The following KCNQ3 variants were observed in gnomAD, a reference collection of about 807,000 sequenced individuals.
KCNQ3 encodes potassium voltage-gated channel subfamily KQT member 3.
A neutral mutation model predicts 92.5 loss-of-function variants in KCNQ3; 30 were observed. The ratio of observed to expected loss-of-function variants is 0.32; its 90% CI spans 0.24 to 0.44. The LOEUF is 0.44. Among genes scored for constraint, KCNQ3 ranks in the 20% least tolerant of loss-of-function variants. The pLI is 1.00. For missense variants in KCNQ3, 913 were observed against 1,140.3 expected (o/e 0.80, Z 2.87); for synonymous variants, 450 against 468.8 (o/e 0.96, Z 0.52).
intron 1 of KCNQ3, among the ~76,000 whole-genome samples, chr8:132,250,801 T>C (rs1466384900): frequency 1.3e-5 from 2 of 152,158 alleles, no homozygotes; most frequent in African/African-American, 4.8e-5. Flanking sequence ...TGGCTGCCCT[T>C]AAGGTACTCA....
At chr8:132,357,623 C>T (rs1819053210) in intron 1 of KCNQ3, among the ~76,000 whole-genome samples, 1 of 152,200 alleles carries the variant, frequency 6.6e-6, no homozygotes, top group African/African-American at 2.4e-5. Flanking sequence ...GCACCACAGG[C>T]AGCTGCAGCC....
chr8:132,223,827 G>T (rs2130347111), intron 1 of KCNQ3, among the ~76,000 whole-genome samples: 1 of 152,194 alleles, frequency 6.6e-6, no homozygotes, highest in South Asian at 2.1e-4. Flanking sequence ...TTAGTAGGGG[G>T]CACAATACCT....
chr8:132,143,608 T>A (rs1825363984), intron 9 of KCNQ3, among the ~76,000 whole-genome samples: 1 of 152,346 alleles, frequency 6.6e-6, no homozygotes, highest in Non-Finnish European at 1.5e-5. Context: ...GGCAGAATGA[T>A]GACCATAAGC....
At chr8:132,338,047 G>A (rs1818414041) in intron 1 of KCNQ3, among the ~76,000 whole-genome samples, 1 of 152,196 alleles carries the variant, frequency 6.6e-6, no homozygotes, top group African/African-American at 2.4e-5. Context: ...AATCTCAGAT[G>A]GTCGAAGGTT....
chr8:132,291,397 G>A (rs1331315041), intron 1 of KCNQ3, among the ~76,000 whole-genome samples: 1 of 152,028 alleles, frequency 6.6e-6, no homozygotes, highest in African/African-American at 2.4e-5. Flanking sequence ...AATATACCCA[G>A]GCCTGCTTAT....
At chr8:132,180,626 C>T (rs988728652) in intron 3 of KCNQ3, among the ~76,000 whole-genome samples, 6 of 152,070 alleles carry the variant, frequency 3.9e-5, no homozygotes, top group African/African-American at 1.4e-4. Context: ...TTACCAAGGC[C>T]CCCCGCAGTG....
intron 1 of KCNQ3, among the ~76,000 whole-genome samples, chr8:132,224,699 A>G (rs1451375477): frequency 6.6e-6 from 1 of 152,222 alleles, no homozygotes; most frequent in East Asian, 1.9e-4. Context: ...TAAGCAGCTG[A>G]AAAATAAGCC....
At chr8:132,455,659 T>C (rs367918216) in intron 1 of KCNQ3, among the ~76,000 whole-genome samples, 1 of 152,260 alleles carries the variant, frequency 6.6e-6, no homozygotes, top group Non-Finnish European at 1.5e-5. Flanking sequence ...TACACTCTCA[T>C]TGTGCCCAGC....
At chr8:132,396,119 G>A (rs1162621353) in intron 1 of KCNQ3, among the ~76,000 whole-genome samples, 4 of 152,188 alleles carry the variant, frequency 2.6e-5, no homozygotes, top group Admixed American at 6.5e-5. Flanking sequence ...GGCCCTCAAC[G>A]CACTGTTGTC....
intron 1 of KCNQ3, among the ~76,000 whole-genome samples, chr8:132,355,637 C>T (rs1310440363): frequency 6.6e-6 from 1 of 152,010 alleles, no homozygotes; most frequent in African/African-American, 2.4e-5. Flanking sequence ...ATAAAGCTGG[C>T]AAGCAAAGAG....
At chr8:132,223,114 G>A (rs1814288978) in intron 1 of KCNQ3, among the ~76,000 whole-genome samples, 2 of 152,108 alleles carry the variant, frequency 1.3e-5, no homozygotes, top group African/African-American at 4.8e-5. Context: ...CTAATGAAGT[G>A]AGATAATACA....
At position 132,339,298 on chromosome 8, in the gene KCNQ3, T is replaced by C. The variant is rs926316372; in HGVS notation, c.386+140849A>G. Among the ~76,000 whole-genome samples the C allele has an allele frequency of 2.0e-4, 30 of 152,314 alleles. 1 individual carries two copies. Among genetic ancestry groups the C allele is most frequent in the African/African-American group, 7.2e-4 (30 of 41,568 alleles). ...ATTTTTAACTTCTTCTGTTCATTAA[T>C]CCGTTACTCATTTATTCATTCATTC... On this transcript the variant is annotated intron_variant, in intron 1 of 14. Transcript: ENST00000388996.
At chr8:132,401,063 G>T (rs1227149798) in intron 1 of KCNQ3, among the ~76,000 whole-genome samples, 1 of 152,176 alleles carries the variant, frequency 6.6e-6, no homozygotes, top group African/African-American at 2.4e-5. Flanking sequence ...GTCCAGGCTA[G>T]GGTGAAATCC....
intron 9 of KCNQ3, among the ~76,000 whole-genome samples, chr8:132,151,369 A>C (rs141737018): frequency 0.017 from 2,557 of 152,340 alleles, 80 homozygotes; most frequent in African/African-American, 0.059. Flanking sequence ...AAAAGGCATA[A>C]AAATATAAAT....
chr8:132,403,353 G>T (rs1232094775), intron 1 of KCNQ3, among the ~76,000 whole-genome samples: 1 of 152,166 alleles, frequency 6.6e-6, no homozygotes, highest in African/African-American at 2.4e-5. Flanking sequence ...TGTGGATGGA[G>T]ACACTCCCTC....
At chr8:132,428,871 T>C (rs927532565) in intron 1 of KCNQ3, among the ~76,000 whole-genome samples, 1 of 152,110 alleles carries the variant, frequency 6.6e-6, no homozygotes, top group Non-Finnish European at 1.5e-5. Context: ...TCTAAAGGTA[T>C]GTAAACACTG....
intron 9 of KCNQ3, among the ~76,000 whole-genome samples, chr8:132,145,709 G>C (rs1199247859): frequency 6.6e-6 from 1 of 152,224 alleles, no homozygotes; most frequent in Non-Finnish European, 1.5e-5. Flanking sequence ...TTCATTGCTA[G>C]AAATCTGACA....
intron 1 of KCNQ3, among the ~76,000 whole-genome samples, chr8:132,257,745 CAAA>C (rs1174893538): frequency 1.3e-5 from 1 of 76,662 alleles, no homozygotes; most frequent in East Asian, 3.5e-4. Context: ...GACTCCAGCT[CAAA>C]AAAAAAAAAA....
chr8:132,137,705 T>C (rs960354830), intron 12 of KCNQ3, among the ~76,000 whole-genome samples, 180 bp downstream of exon 12: 2 of 152,188 alleles, frequency 1.3e-5, no homozygotes, highest in African/African-American at 4.8e-5. Context: ...CATACAGCTA[T>C]TTCACAGTCT....
Sources: gnomAD v4.1 joint callset for allele counts (sites outside exome capture counted in the v4.1 genomes callset) on GRCh38, gnomAD v4.1.1 for gene constraint, MANE v1.5 for transcripts, NCBI Gene and HGNC (gene_info 2026-07-23, HGNC 2026-07-21) for gene names.